The following RYR1 variants were observed in gnomAD, a reference collection of about 807,000 sequenced individuals.
The protein encoded by RYR1 is ryanodine receptor 1.
RYR1 carries 342 observed loss-of-function variants against 583.5 expected under a neutral mutation model. The ratio of observed to expected loss-of-function variants is 0.59; its 90% CI spans 0.54 to 0.64. The LOEUF (loss-of-function observed/expected upper bound fraction) is 0.64, where lower values mean the gene tolerates loss of function less well. RYR1 is among the 30% of genes least tolerant of loss of function. The pLI, the probability that RYR1 is intolerant of heterozygous loss-of-function variation, is 0.00. For missense variants in RYR1, 6,032 were observed against 6,917.2 expected, an observed-to-expected ratio of 0.87 and a Z score of 4.54; for synonymous variants, 2,791 against 2,822.5, an observed-to-expected ratio of 0.99 and a Z score of 0.35.
intron 11 of RYR1, among the ~76,000 whole-genome samples, chr19:38,449,810 A>T (rs1378891699): frequency 1.3e-5 from 2 of 152,142 alleles, no homozygotes; most frequent in African/African-American, 4.8e-5. Flanking sequence ...AGCAGGCTGG[A>T]GTAGTGGTTG....
At chr19:38,443,996 A>G (rs1308290032) in intron 5 of RYR1, among the ~76,000 whole-genome samples, 153 bp from the exon 6 acceptor site, 1 of 152,136 alleles carries the variant, frequency 6.6e-6, no homozygotes, top group Non-Finnish European at 1.5e-5. Flanking sequence ...GTCTGAAGTC[A>G]GGAACGGGGA....
At chr19:38,577,623 C>A (rs995652497) in intron 97 of RYR1, among the ~76,000 whole-genome samples, 3 of 152,004 alleles carry the variant, frequency 2.0e-5, no homozygotes, top group Non-Finnish European at 4.4e-5. Context: ...ACAGAGAAAC[C>A]CCGTCCCTAC....
chr19:38,566,446 C>CT (rs1973435143), intron 91 of RYR1, among the ~76,000 whole-genome samples: 1 of 48,442 alleles, frequency 2.1e-5, no homozygotes, highest in African/African-American at 8.1e-5. Flanking sequence ...GAGACTCTGT[C>CT]TCAAAAAAAA....
chr19:38,532,458 G>C lies in RYR1; in HGVS notation c.11142-32G>C, dbSNP rs756165463. ...TATAAGATGGGGGTCCTCTCCACCG[G>C]GTCCTGACCACTCCCCTGCTTACTT... On this transcript the variant is annotated intron_variant, in intron 76 of 105. Coordinates refer to ENST00000359596, the MANE Select transcript of RYR1 (RefSeq NM_000540.3). 28 of 1,613,072 alleles carry C rather than the reference G, an allele frequency of 1.7e-5. No individual in the cohort carries two copies. In the South Asian group the frequency reaches 2.4e-4, roughly 14 times the overall value.
chr19:38,545,488 C>T (rs904001407), intron 87 of RYR1, among the ~76,000 whole-genome samples: 1 of 152,210 alleles, frequency 6.6e-6, no homozygotes, highest in Non-Finnish European at 1.5e-5. Context: ...ATCTCCTCCC[C>T]TCTCCATTTT....
At chr19:38,481,563 G>C (rs1470139391) in intron 31 of RYR1, among the ~76,000 whole-genome samples, 1 of 152,064 alleles carries the variant, frequency 6.6e-6, no homozygotes, top group African/African-American at 2.4e-5. Context: ...GAAGGAACCA[G>C]GCTATTTGTC....
intron 38 of RYR1, 40 bp downstream of exon 38, chr19:38,492,676 T>C (rs1158748753): frequency 1.8e-6 from 2 of 1,110,026 alleles, no homozygotes; most frequent in Non-Finnish European, 2.6e-6. Flanking sequence ...AGGGGTGGGG[T>C]GGGTAGCCCC....
At chr19:38,438,908 G>A (rs1301494084) in intron 1 of RYR1, among the ~76,000 whole-genome samples, 3 of 151,932 alleles carry the variant, frequency 2.0e-5, no homozygotes, top group Admixed American at 6.6e-5. Context: ...GTGAGCCGCC[G>A]TGCCTGGCCC....
chr19:38,509,200 C>T (rs1472888577), intron 58 of RYR1, among the ~76,000 whole-genome samples: 1 of 152,152 alleles, frequency 6.6e-6, no homozygotes, highest in East Asian at 1.9e-4. Flanking sequence ...TCCCTTCCCT[C>T]TCTAGACCTC....
chr19:38,442,357 C>T lies in RYR1; in HGVS notation c.174C>T (p.Pro58=). 6.2e-7 allele frequency: 1 copy of T among 1,612,760 alleles called. No homozygotes were observed. The highest frequency in any genetic ancestry group is 8.5e-7 in the Non-Finnish European group (1 of 1,179,080). ...TCCCCCTCCCACCCCAGAATGTGCCCCCCGATCTGGCCATCTGTTGCTTCG... is the reference window on the plus strand; with the variant it reads ...TCCCCCTCCCACCCCAGAATGTGCCTCCCGATCTGGCCATCTGTTGCTTCG... The part of the protein sequence containing the change: ...LEPTSNAQNV[P]PDLAICCFVL... Residue 58 remains proline, a synonymous_variant, in exon 3 of 106, where the codon CCC becomes CCT. Coordinates refer to ENST00000359596, the MANE Select transcript of RYR1 (RefSeq NM_000540.3).
At position 38,534,777 on chromosome 19, in the gene RYR1, G is replaced by C; in HGVS notation, c.11317G>C (p.Gly3773Arg). 6.2e-7 allele frequency: 1 copy of C among 1,613,846 alleles called. No homozygotes were observed. Among genetic ancestry groups the C allele is most frequent in the Non-Finnish European group, 8.5e-7 (1 of 1,179,970 alleles). ...LYQQARLHTRGAAEMVLQMIS... is the reference protein window; with the variant it reads ...LYQQARLHTRRAAEMVLQMIS... The stretch of plus-strand genomic sequence containing the variant: ...CCAGCAAGCACGGCTGCACACCCGG[G>C]GGGCGGCCGAGATGGTGCTGCAGAT... The change falls in exon 79 of 106, where the codon GGG becomes CGG. Residue 3773 changes from glycine (G) to arginine (R), a missense_variant. Transcript: ENST00000359596.
In RYR1 at chr19:38,543,121, C is replaced by T. The variant is rs1412796855; in HGVS notation, c.11690-226C>T. On this transcript the variant is annotated intron_variant, in intron 84 of 105. Transcript: ENST00000359596. The surrounding 1 kb of genome is among the most constrained non-coding windows in gnomAD (Gnocchi z 4.4). ...CCTCCCAAAGTGCTGGAATTACAGG[C>T]GTGAGCCACCCGGCCAGTATTTTTA... Among the ~76,000 whole-genome samples, 1 of 152,192 alleles carries T rather than the reference C, an allele frequency of 6.6e-6. No individual in the cohort carries two copies. The highest frequency in any genetic ancestry group is 2.4e-5 in the African/African-American group (1 of 41,520).
intron 1 of RYR1, among the ~76,000 whole-genome samples, chr19:38,440,249 C>T (rs1972608835): frequency 1.3e-5 from 2 of 152,240 alleles, no homozygotes; most frequent in Non-Finnish European, 2.9e-5. Flanking sequence ...CTATAATTTA[C>T]ACCACTTCAC....
chr19:38,462,891 C>CTT (rs553168266), intron 20 of RYR1, among the ~76,000 whole-genome samples: 1,615 of 78,664 alleles, frequency 0.021, 97 homozygotes, highest in African/African-American at 0.051. Flanking sequence ...ACTCTCTCTT[C>CTT]TTTTTTTTTT....
chr19:38,537,060 C>T, intron 83 of RYR1: 2 of 545,136 alleles, frequency 3.7e-6, no homozygotes, highest in South Asian at 2.3e-5. Context: ...AGATCTCTTT[C>T]CAGCTGGATA....
At chr19:38,457,473 T>G in intron 16 of RYR1, 24 bp from the exon 17 acceptor site, 1 of 1,614,118 alleles carries the variant, frequency 6.2e-7, no homozygotes, top group Non-Finnish European at 8.5e-7. Context: ...TACACACCCT[T>G]TAACCTCTGA....
At chr19:38,560,731 A>AT (rs1051139412) in intron 89 of RYR1, among the ~76,000 whole-genome samples, 5 of 143,936 alleles carry the variant, frequency 3.5e-5, no homozygotes, top group African/African-American at 1.3e-4. Flanking sequence ...CTCCGTCTCA[A>AT]AAAAAAAAAA....
intron 89 of RYR1, among the ~76,000 whole-genome samples, chr19:38,558,344 A>G (rs1263343622): frequency 6.6e-6 from 1 of 152,190 alleles, no homozygotes; most frequent in African/African-American, 2.4e-5. Flanking sequence ...CAACTAAAAG[A>G]CTATAAGTAG....
intron 2 of RYR1, among the ~76,000 whole-genome samples, chr19:38,442,050 A>T (rs1972712358): frequency 1.3e-5 from 2 of 151,514 alleles, no homozygotes; most frequent in Non-Finnish European, 2.9e-5. Flanking sequence ...GAGGCTTCCT[A>T]TGAGATTAGG....
Sources: allele counts gnomAD v4.1 joint callset (sites outside exome capture counted in the v4.1 genomes callset), GRCh38; gene constraint gnomAD v4.1.1; non-coding constraint Gnocchi (gnomAD v3.1); transcripts MANE v1.5; gene names NCBI Gene and HGNC (gene_info 2026-07-23, HGNC 2026-07-21).